Variants in PGBD5 observed in about 807,000 individuals in gnomAD.
The protein encoded by PGBD5 is piggyBac transposable element-derived protein 5.
A neutral mutation model predicts 47.9 loss-of-function variants in PGBD5; 14 were observed. The ratio of observed to expected loss-of-function variants is 0.29; its 90% CI spans 0.19 to 0.46. The LOEUF is 0.46. Among genes scored for constraint, PGBD5 ranks in the 20% least tolerant of loss-of-function variants. PGBD5 has a pLI of 1.00. For missense variants in PGBD5, 635 were observed against 716.0 expected (o/e 0.89, Z 1.29); for synonymous variants, 316 against 306.3 (o/e 1.03, Z -0.33).
chr1:230,373,173 G>C (rs1667954612), intron 1 of PGBD5, among the ~76,000 whole-genome samples: 1 of 152,212 alleles, frequency 6.6e-6, no homozygotes, highest in African/African-American at 2.4e-5. Flanking sequence ...GGTGCTCACA[G>C]GAGTATCACT....
chr1:230,385,949 GCT>G (rs1656627129), intron 1 of PGBD5, among the ~76,000 whole-genome samples: 1 of 152,126 alleles, frequency 6.6e-6, no homozygotes, highest in African/African-American at 2.4e-5. Context: ...ATTTTAACAA[GCT>G]CCCCAGCAAC....
chr1:230,343,797 GA>G (rs1277920689), intron 3 of PGBD5, among the ~76,000 whole-genome samples: 1 of 152,058 alleles, frequency 6.6e-6, no homozygotes, highest in Non-Finnish European at 1.5e-5. Flanking sequence ...GTCAAATAAG[GA>G]AAAAAACACT....
intron 1 of PGBD5, among the ~76,000 whole-genome samples, chr1:230,389,207 CT>C (rs1343787934): frequency 1.3e-5 from 2 of 148,786 alleles, no homozygotes; most frequent in Non-Finnish European, 3.0e-5. Context: ...GAGTTTCACT[CT>C]TGTCACCCAG....
Position 230,323,214 on chromosome 1 carries a change from C to T in PGBD5, c.*211G>A. 1 of 579,894 alleles carries T rather than the reference C, an allele frequency of 1.7e-6. No homozygotes were observed. Among genetic ancestry groups the T allele is most frequent in the Non-Finnish European group, 3.0e-6 (1 of 332,896 alleles). The allele number at this position is 579,894 out of a possible 1,614,324, so 35.9% of individuals were successfully genotyped here. A position where few individuals can be genotyped will look rare whatever the true frequency, so the allele number is the denominator to read the frequency against. On this transcript the variant is annotated 3_prime_UTR_variant, in exon 7 of 7. Transcript: ENST00000391860. The surrounding 1 kb of genome is among the most constrained non-coding windows in gnomAD (Gnocchi z 4.1). ...GCTCATCACACCGGCGGCACTGTTT[C>T]TCGAGGGAGGACATGCTCTTCTTGG...
chr1:230,355,318 C>T (rs927180285), intron 2 of PGBD5, among the ~76,000 whole-genome samples: 7 of 152,214 alleles, frequency 4.6e-5, no homozygotes, highest in African/African-American at 1.7e-4. Context: ...TCCTAGTAGG[C>T]GCTGCAGTGT....
Position 230,357,211 on chromosome 1 carries a change from T to A in PGBD5, c.442A>T (p.Lys148Ter), listed in dbSNP as rs766631581. The A allele has an allele frequency of 6.2e-7, 1 of 1,613,932 alleles. No homozygotes were observed. Among genetic ancestry groups the A allele is most frequent in the African/African-American group, 1.3e-5 (1 of 74,850 alleles). Residue 148 changes from lysine (K) to a stop codon, truncating the protein, a stop_gained, in exon 2 of 7, where the codon AAG (lysine) becomes TAG (stop). Transcript: ENST00000391860. LOFTEE classifies it high-confidence loss of function. The surrounding 1 kb of genome is among the most constrained non-coding windows in gnomAD (Gnocchi z 5.7). ...TCGCTCCCAAACCGCTCCTGGAACT[T>A]CTTGGCATACATGTTTGTCTGCACC... ...MVVQTNMYAK[K>*]FQERFGSDGA...
At chr1:230,390,843 G>A (rs564448914) in intron 1 of PGBD5, among the ~76,000 whole-genome samples, 6 of 152,080 alleles carry the variant, frequency 3.9e-5, no homozygotes, top group Admixed American at 1.3e-4. Context: ...GGGTTCAAGC[G>A]ATTCTCATGT....
chr1:230,410,218 T>C (rs749371212), intron 1 of PGBD5, among the ~76,000 whole-genome samples: 14 of 152,090 alleles, frequency 9.2e-5, no homozygotes, highest in Non-Finnish European at 1.5e-4. Context: ...ATATAAAAGG[T>C]AGACGTATGT....
chr1:230,403,249 G>A (rs936045354), intron 1 of PGBD5, among the ~76,000 whole-genome samples: 2 of 152,190 alleles, frequency 1.3e-5, no homozygotes, highest in Non-Finnish European at 2.9e-5. Context: ...TGTTTCATGG[G>A]GATAACAATA....
chr1:230,387,505 G>A lies in PGBD5; in HGVS notation c.332-30184C>T, dbSNP rs80249250. ...TACCCAGCATCCAGGAGGCCAGGCT[G>A]GGGGGAGGCTCCTTAGGCCATTAGG... On this transcript the variant is annotated intron_variant, in intron 1 of 6. Transcript: ENST00000391860. Among the ~76,000 whole-genome samples the A allele has an allele frequency of 2.6e-4, 40 of 152,278 alleles. No homozygotes were observed. In the East Asian group the frequency reaches 4.6e-3, roughly 18 times the overall value.
chr1:230,339,645 A>G (rs1256197615), intron 3 of PGBD5, among the ~76,000 whole-genome samples: 2 of 116,610 alleles, frequency 1.7e-5, no homozygotes, highest in Non-Finnish European at 4.1e-5. Context: ...GAAATGTGGC[A>G]TATACACAAG....
intron 1 of PGBD5, among the ~76,000 whole-genome samples, chr1:230,395,258 C>T (rs1161167734): frequency 2.3e-5 from 1 of 42,898 alleles, no homozygotes; most frequent in Non-Finnish European, 4.9e-5. Context: ...CCCTTCTCCC[C>T]CCCTCACGCT....
chr1:230,332,612 C>T (rs1324708436), intron 5 of PGBD5, among the ~76,000 whole-genome samples: 3 of 152,184 alleles, frequency 2.0e-5, no homozygotes, highest in African/African-American at 7.2e-5. Context: ...CAGCATGCAC[C>T]GCTCAAAAGC....
At chr1:230,363,941 T>C (rs995349252) in intron 1 of PGBD5, among the ~76,000 whole-genome samples, 6 of 152,236 alleles carry the variant, frequency 3.9e-5, no homozygotes, top group Non-Finnish European at 5.9e-5. Context: ...CTGGTACTTA[T>C]CTTCAGCTAA....
Position 230,343,978 on chromosome 1 carries a change from C to T in PGBD5, c.895-6690G>A, listed in dbSNP as rs149878035. ...TCTCTCCTTGGAGGAGTCAACATAG[C>T]CTAGTGGTTAAGAAGGTGGGATCCA... is the stretch of plus-strand genomic sequence containing the variant. On this transcript the variant is annotated intron_variant, in intron 3 of 6. Coordinates refer to ENST00000391860, the MANE Select transcript of PGBD5 (RefSeq NM_001258311.2). 3.8e-3 allele frequency among the ~76,000 whole-genome samples: 583 copies of T among 152,230 alleles called. 5 individuals carry two copies. Among genetic ancestry groups the T allele is most frequent in the African/African-American group, 0.013 (543 of 41,544 alleles).
intron 1 of PGBD5, among the ~76,000 whole-genome samples, chr1:230,394,525 T>A (rs916515820): frequency 2.3e-5 from 3 of 129,660 alleles, no homozygotes; most frequent in Non-Finnish European, 4.8e-5. Flanking sequence ...CTCCTTTCAC[T>A]CCCTGCCCTC....
At chr1:230,417,167 T>C (rs1370898227) in intron 1 of PGBD5, among the ~76,000 whole-genome samples, 1 of 152,180 alleles carries the variant, frequency 6.6e-6, no homozygotes, top group African/African-American at 2.4e-5. Flanking sequence ...TCCTTCTCCA[T>C]AGTCAGATAT....
intron 1 of PGBD5, among the ~76,000 whole-genome samples, chr1:230,423,181 A>G (rs1180934909): frequency 6.6e-6 from 1 of 152,188 alleles, no homozygotes; most frequent in East Asian, 1.9e-4. Context: ...GGAAGCCTCT[A>G]TCAAATCTCG....
Position 230,375,652 on chromosome 1 carries a change from C to CTTTTTTTTT in PGBD5, c.332-18340_332-18332dup, listed in dbSNP as rs199545872. On this transcript the variant is annotated intron_variant, in intron 1 of 6. Coordinates refer to ENST00000391860, the MANE Select transcript of PGBD5 (RefSeq NM_001258311.2). ...AAGGTCATCTGAGCTTCCTATTTGACTTTTTTTTTTTTTTTTTTTTTTTTT... is the reference window on the plus strand; with the variant it reads ...AAGGTCATCTGAGCTTCCTATTTGACTTTTTTTTTTTTTTTTTTTTTTTTTTTTTTTTTT... Among the ~76,000 whole-genome samples, 31 of 105,658 alleles carry CTTTTTTTTT rather than the reference C, an allele frequency of 2.9e-4. 2 individuals are homozygous for CTTTTTTTTT. Among genetic ancestry groups the CTTTTTTTTT allele is most frequent in the African/African-American group, 1.3e-3 (30 of 22,420 alleles). The allele number at this position is 105,658 out of a possible 152,430, so 69.3% of individuals were successfully genotyped here. A position where few individuals can be genotyped will look rare whatever the true frequency, so the allele number is the denominator to read the frequency against.
Sources: allele counts gnomAD v4.1 joint callset (sites outside exome capture counted in the v4.1 genomes callset), GRCh38; gene constraint gnomAD v4.1.1; non-coding constraint Gnocchi (gnomAD v3.1); transcripts MANE v1.5; gene names NCBI Gene and HGNC (gene_info 2026-07-23, HGNC 2026-07-21).